Variants in ENTPD1 observed in about 807,000 individuals in gnomAD.
The protein encoded by ENTPD1 is ectonucleoside triphosphate diphosphohydrolase 1.
Under a neutral mutation model 57.0 loss-of-function variants are expected in ENTPD1, and 33 were observed. The observed-to-expected ratio is 0.58, with a 90% confidence interval of 0.44 to 0.77. ENTPD1 has a LOEUF of 0.77. Ranked by LOEUF, ENTPD1 falls within the 30% of genes least tolerant of loss-of-function variation. The pLI is 0.00. For missense variants in ENTPD1, 501 were observed against 603.4 expected (o/e 0.83, Z 1.78); for synonymous variants, 202 against 218.8 (o/e 0.92, Z 0.68).
At chr10:95,694,819 A>ACTGT in the ENTPD1 span, among the ~76,000 whole-genome samples, 1 of 151,492 alleles carries the variant, frequency 6.6e-6, no homozygotes, top group Non-Finnish European at 1.5e-5. Flanking sequence ...CCGTAGCTGC[A>ACTGT]CTGTCCAGCA....
chr10:95,730,403 C>T (rs986492304), intron 1 of ENTPD1, among the ~76,000 whole-genome samples: 2 of 152,026 alleles, frequency 1.3e-5, no homozygotes, highest in African/African-American at 4.8e-5. Flanking sequence ...TATATTTCTA[C>T]ATTAAAAGGG....
chr10:95,711,847 A>T, exon 1 of ENTPD1: 1 of 1,512,346 alleles, frequency 6.6e-7, no homozygotes, highest in Non-Finnish European at 9.1e-7. Context: ...CTTTTTTGTC[A>T]GCGATTGTCA....
At chr10:95,833,202 T>C (rs916439864) in intron 2 of ENTPD1, among the ~76,000 whole-genome samples, 2 of 152,248 alleles carry the variant, frequency 1.3e-5, no homozygotes, top group Admixed American at 6.5e-5. Context: ...TGCAGATAGA[T>C]GGTGTTGCAC....
At chr10:95,705,497 G>C in the ENTPD1 span, among the ~76,000 whole-genome samples, 4 of 151,572 alleles carry the variant, frequency 2.6e-5, no homozygotes, top group East Asian at 7.7e-4. Context: ...TTTTTTTGTT[G>C]TTGTTGTTTT....
chr10:95,712,264 G>A lies in ENTPD1; in HGVS notation c.37+271G>A, dbSNP rs566691571. Among the ~76,000 whole-genome samples, 9 of 152,256 alleles carry A rather than the reference G, an allele frequency of 5.9e-5. No individual in the cohort carries two copies. The East Asian group carries it at 1.7e-3, about 29-fold the overall frequency. On this transcript the variant is annotated intron_variant, in intron 1 of 9. Transcript: ENST00000453258. ...AGAAGGATGCCATAGGGTAGGACAT[G>A]GGCCTAAACCCCCATAAACTCTCTA... is the stretch of plus-strand genomic sequence containing the variant.
chr10:95,802,992 A>G (rs1021676429), intron 1 of ENTPD1, among the ~76,000 whole-genome samples: 10 of 152,154 alleles, frequency 6.6e-5, no homozygotes. Flanking sequence ...AGATAGCATG[A>G]TGCCTCCAGC....
intron 8 of ENTPD1, 40 bp downstream of exon 8, chr10:95,860,622 C>A: frequency 6.4e-7 from 1 of 1,557,346 alleles, no homozygotes; most frequent in South Asian, 1.1e-5. Context: ...GCATGAGTGC[C>A]CTGTGTCGTT....
At chr10:95,700,598 A>G in the ENTPD1 span, among the ~76,000 whole-genome samples, 1 of 152,036 alleles carries the variant, frequency 6.6e-6, no homozygotes, top group Non-Finnish European at 1.5e-5. Flanking sequence ...TGAGTTGGGA[A>G]GATCGCTTGC....
At chr10:95,794,538 G>A (rs1266822229) in intron 1 of ENTPD1, among the ~76,000 whole-genome samples, 1 of 152,162 alleles carries the variant, frequency 6.6e-6, no homozygotes, top group African/African-American at 2.4e-5. Flanking sequence ...GCTTTGAGAT[G>A]GGACCCCAGA....
intron 1 of ENTPD1, among the ~76,000 whole-genome samples, chr10:95,733,660 T>G (rs1057099801): frequency 1.3e-5 from 2 of 152,222 alleles, no homozygotes; most frequent in African/African-American, 4.8e-5. Flanking sequence ...AGTCAGTCCC[T>G]CTTTTCCGGG....
At chr10:95,812,128 G>C (rs2098310904) in intron 1 of ENTPD1, among the ~76,000 whole-genome samples, 1 of 150,424 alleles carries the variant, frequency 6.6e-6, no homozygotes, top group Non-Finnish European at 1.5e-5. Flanking sequence ...CACTTTTTAA[G>C]GTGTAAAGTT....
chr10:95,793,556 C>T (rs2098214350), intron 1 of ENTPD1, among the ~76,000 whole-genome samples: 2 of 152,056 alleles, frequency 1.3e-5, no homozygotes, highest in African/African-American at 4.8e-5. Context: ...AAAGTGTAGT[C>T]CCTGGACCTG....
At position 95,866,454 on chromosome 10, in the gene ENTPD1, G is replaced by T. The variant is rs1378248646; in HGVS notation, c.*71G>T. 2 of 1,590,370 alleles carry T rather than the reference G, an allele frequency of 1.3e-6. No individual in the cohort carries two copies. The highest frequency in any genetic ancestry group is 1.7e-6 in the Non-Finnish European group (2 of 1,167,824). On this transcript the variant is annotated 3_prime_UTR_variant, in exon 10 of 10. Coordinates refer to ENST00000371205, the MANE Select transcript of ENTPD1 (RefSeq NM_001776.6). ...CCAGGGAGCATTTTCCTCCATCGCA[G>T]TGTTCAAGGCCATCCTTCCCTGTCT...
chr10:95,826,230 A>G (rs1299655427), intron 2 of ENTPD1, among the ~76,000 whole-genome samples: 2 of 152,122 alleles, frequency 1.3e-5, no homozygotes, highest in Non-Finnish European at 2.9e-5. Context: ...TACTAAAATA[A>G]TATCTGAAGA....
At chr10:95,756,448 T>C in intron 1 of ENTPD1, 193 bp downstream of exon 1, 1 of 652,264 alleles carries the variant, frequency 1.5e-6, no homozygotes, top group African/African-American at 1.8e-5. Context: ...AGTCCAGGGT[T>C]GCAGTCAAGG....
intron 1 of ENTPD1, among the ~76,000 whole-genome samples, chr10:95,766,173 G>T (rs1237368836): frequency 6.6e-6 from 1 of 152,072 alleles, no homozygotes; most frequent in African/African-American, 2.4e-5. Flanking sequence ...GTCACATATA[G>T]TATTGTTCCT....
At chr10:95,776,270 T>C (rs2098133559) in intron 1 of ENTPD1, among the ~76,000 whole-genome samples, 1 of 152,198 alleles carries the variant, frequency 6.6e-6, no homozygotes, top group Admixed American at 6.6e-5. Flanking sequence ...TTTGCAGTGG[T>C]TGCTACCGGT....
chr10:95,735,298 C>G (rs114730751), intron 1 of ENTPD1, among the ~76,000 whole-genome samples: 1,819 of 152,186 alleles, frequency 0.012, 33 homozygotes, highest in African/African-American at 0.04. Flanking sequence ...GGATTATAGA[C>G]GTGAGCCATC....
At chr10:95,860,645 G>C in intron 8 of ENTPD1, 63 bp downstream of exon 8, 3 of 1,393,774 alleles carry the variant, frequency 2.2e-6, no homozygotes, top group Non-Finnish European at 3.0e-6. Context: ...TGATGCAGAG[G>C]ATGTGAGTCT....
Sources: allele counts gnomAD v4.1 joint callset (sites outside exome capture counted in the v4.1 genomes callset), GRCh38; gene constraint gnomAD v4.1.1; transcripts MANE v1.5; gene names NCBI Gene and HGNC (gene_info 2026-07-23, HGNC 2026-07-21).